The following ADAMTS12 variants were observed in gnomAD, a reference collection of about 807,000 sequenced individuals.
ADAMTS12 encodes the protein A disintegrin and metalloproteinase with thrombospondin motifs 12.
ADAMTS12 carries 118 observed loss-of-function variants against 167.8 expected under a neutral mutation model. The ratio of observed to expected loss-of-function variants is 0.70; its 90% confidence interval spans 0.61 to 0.82. The LOEUF (loss-of-function observed/expected upper bound fraction) is 0.82. Among genes scored for constraint, ADAMTS12 ranks in the 40% least tolerant of loss-of-function variants. ADAMTS12 has a pLI of 0.00. For synonymous variants in ADAMTS12, 704 were observed against 716.9 expected (o/e 0.98, Z 0.29); for missense variants, 1,916 against 1,998.8 (o/e 0.96, Z 0.79).
chr5:33,555,490 T>G (rs986456393), intron 20 of ADAMTS12, among the ~76,000 whole-genome samples: 3 of 152,188 alleles, frequency 2.0e-5, no homozygotes, highest in Non-Finnish European at 4.4e-5. Flanking sequence ...GGTCAAGTGA[T>G]TGCCTGCCTT....
At chr5:33,880,342 AAC>A (rs1750382804) in intron 2 of ADAMTS12, among the ~76,000 whole-genome samples, 1 of 152,242 alleles carries the variant, frequency 6.6e-6, no homozygotes, top group African/African-American at 2.4e-5. Flanking sequence ...TTATTTATTA[AAC>A]ACTCTTCACA....
At chr5:33,622,929 T>C (rs1739404614) in intron 14 of ADAMTS12, among the ~76,000 whole-genome samples, 1 of 152,148 alleles carries the variant, frequency 6.6e-6, no homozygotes, top group Non-Finnish European at 1.5e-5. Context: ...AGTCTTCCAG[T>C]GGTAATTCTC....
At chr5:33,666,524 C>T (rs955773922) in intron 5 of ADAMTS12, among the ~76,000 whole-genome samples, 3 of 152,048 alleles carry the variant, frequency 2.0e-5, no homozygotes, top group African/African-American at 4.8e-5. Flanking sequence ...GACAGAGTCT[C>T]ACTCTGTTGC....
intron 2 of ADAMTS12, among the ~76,000 whole-genome samples, chr5:33,767,660 A>C (rs1461563823): frequency 6.6e-6 from 1 of 152,200 alleles, no homozygotes; most frequent in African/African-American, 2.4e-5. Flanking sequence ...TTGAAGTTTT[A>C]AGAAATACAT....
intron 3 of ADAMTS12, among the ~76,000 whole-genome samples, chr5:33,731,254 C>A (rs141714036): frequency 1.3e-5 from 2 of 149,324 alleles, no homozygotes; most frequent in Non-Finnish European, 3.0e-5. Context: ...GGTGTGATCT[C>A]GGCTCACTGC....
At chr5:33,703,400 TG>T (rs1743070133) in intron 3 of ADAMTS12, among the ~76,000 whole-genome samples, 1 of 152,164 alleles carries the variant, frequency 6.6e-6, no homozygotes, top group African/African-American at 2.4e-5. Context: ...CCCCCATTTG[TG>T]GTAAAAGCAC....
intron 2 of ADAMTS12, among the ~76,000 whole-genome samples, chr5:33,799,097 C>T (rs1419144599): frequency 6.6e-6 from 1 of 152,112 alleles, no homozygotes; most frequent in Non-Finnish European, 1.5e-5. Context: ...CAAGGCAGCG[C>T]ATGAGGGATG....
chr5:33,566,306 T>A (rs907987662), intron 19 of ADAMTS12, among the ~76,000 whole-genome samples: 3 of 152,154 alleles, frequency 2.0e-5, no homozygotes, highest in African/African-American at 7.2e-5. Context: ...CTGCAAAAAA[T>A]AATAAAAAAA....
chr5:33,643,377 C>A lies in ADAMTS12; in HGVS notation c.1572+1G>T, dbSNP rs1313804265. On this transcript the variant is annotated splice_donor_variant, in intron 10 of 23. Coordinates refer to ENST00000504830, the MANE Select transcript of ADAMTS12 (RefSeq NM_030955.4). LOFTEE classifies it high-confidence loss of function. ...CCTCATTCCTCGGCCTGACGCATCA[C>A]CTTCTTCTCACCACATTGAGTTCCA... The A allele has an allele frequency of 1.2e-6, 2 of 1,614,012 alleles. No homozygotes were observed. Among genetic ancestry groups the A allele is most frequent in the Non-Finnish European group, 1.7e-6 (2 of 1,179,972 alleles).
At chr5:33,571,702 G>A (rs987020177) in intron 19 of ADAMTS12, among the ~76,000 whole-genome samples, 84 of 149,722 alleles carry the variant, frequency 5.6e-4, no homozygotes, top group African/African-American at 2.1e-3. Context: ...AAAAGCAAGA[G>A]CAAACACATT....
intron 2 of ADAMTS12, among the ~76,000 whole-genome samples, chr5:33,773,394 C>T (rs772846468): frequency 4.6e-5 from 7 of 152,126 alleles, no homozygotes; most frequent in African/African-American, 7.2e-5. Context: ...GAACTGGCTG[C>T]GGATGAGTGC....
intron 2 of ADAMTS12, among the ~76,000 whole-genome samples, chr5:33,813,095 A>T (rs1161419085): frequency 6.6e-6 from 1 of 152,232 alleles, no homozygotes; most frequent in Non-Finnish European, 1.5e-5. Context: ...GATAGCCAGT[A>T]CCAGCTTGCA....
At chr5:33,740,219 T>C (rs115341219) in intron 3 of ADAMTS12, among the ~76,000 whole-genome samples, 2,617 of 152,340 alleles carry the variant, frequency 0.017, 78 homozygotes, top group African/African-American at 0.06. Context: ...TTTGACTGTA[T>C]ATAAGCAAGA....
At chr5:33,529,373 C>A (rs578001593) in intron 23 of ADAMTS12, among the ~76,000 whole-genome samples, 1 of 152,172 alleles carries the variant, frequency 6.6e-6, no homozygotes, top group East Asian at 1.9e-4. Context: ...CGTTCCAGGT[C>A]TGTTAAGAAT....
At chr5:33,594,361 T>C (rs1400687531) in intron 17 of ADAMTS12, among the ~76,000 whole-genome samples, 3 of 152,228 alleles carry the variant, frequency 2.0e-5, no homozygotes, top group Non-Finnish European at 4.4e-5. Context: ...CCAGTCTTCA[T>C]TATATCTGAA....
intron 4 of ADAMTS12, 31 bp from the exon 5 acceptor site, chr5:33,683,132 C>T (rs1742192512): frequency 6.8e-7 from 1 of 1,480,606 alleles, no homozygotes; most frequent in Non-Finnish European, 9.4e-7. Flanking sequence ...CCATTAGCTC[C>T]ACACGAAGAG....
At chr5:33,880,775 A>T (rs1750402206) in intron 2 of ADAMTS12, 1 of 260,840 alleles carries the variant, frequency 3.8e-6, no homozygotes, top group Admixed American at 4.8e-5. Flanking sequence ...GCTCATTCAA[A>T]ATACGCTGTC....
chr5:33,573,154 C>G lies in ADAMTS12; in HGVS notation c.3972+2900G>C, dbSNP rs563189173. 3.9e-5 allele frequency among the ~76,000 whole-genome samples: 6 copies of G among 151,992 alleles called. No individual in the cohort carries two copies. In the East Asian group the frequency reaches 1.2e-3, roughly 30 times the overall value. On this transcript the variant is annotated intron_variant, in intron 19 of 23. Transcript: ENST00000504830. Reference sequence around the variant, plus strand: ...GCTCATGGGTAGGAAGAATCAATATCGTGAAAATGGCCATACTGCCCAAGG... The same window carrying G: ...GCTCATGGGTAGGAAGAATCAATATGGTGAAAATGGCCATACTGCCCAAGG...
intron 2 of ADAMTS12, among the ~76,000 whole-genome samples, chr5:33,842,714 A>G (rs1449264336): frequency 6.6e-6 from 1 of 152,214 alleles, no homozygotes; most frequent in Non-Finnish European, 1.5e-5. Context: ...GCCCTCTAAC[A>G]GTGCAGAGAC....
Sources: allele counts gnomAD v4.1 joint callset (sites outside exome capture counted in the v4.1 genomes callset), GRCh38; gene constraint gnomAD v4.1.1; transcripts MANE v1.5; gene names NCBI Gene and HGNC (gene_info 2026-07-23, HGNC 2026-07-21).